The following LOC122539214 variants were observed in gnomAD, a reference collection of about 807,000 sequenced individuals.
the LOC122539214 span, among the ~76,000 whole-genome samples, chr19:52,686,319 T>C: frequency 0.63 from 95,412 of 151,518 alleles, 30,272 homozygotes; most frequent in African/African-American, 0.71. Flanking sequence ...GGAACTTAAC[T>C]GGAACATATA....
chr19:52,677,806 G>A, the LOC122539214 span, among the ~76,000 whole-genome samples: 1 of 151,982 alleles, frequency 6.6e-6, no homozygotes, highest in Non-Finnish European at 1.5e-5. Context: ...AGTGGAGGTG[G>A]GTGGATCATG....
the LOC122539214 span, among the ~76,000 whole-genome samples, chr19:52,676,155 A>AT: frequency 6.6e-6 from 1 of 152,042 alleles, no homozygotes; most frequent in South Asian, 2.1e-4. Flanking sequence ...TGGTTTTCGT[A>AT]TTTTTTTGGT....
chr19:52,679,508 G>A, the LOC122539214 span, among the ~76,000 whole-genome samples: 1 of 152,214 alleles, frequency 6.6e-6, no homozygotes, highest in East Asian at 1.9e-4. Context: ...CTACAAGGGA[G>A]GCTCAGGCAG....
At chr19:52,665,150 G>A in the LOC122539214 span, among the ~76,000 whole-genome samples, 2 of 152,164 alleles carry the variant, frequency 1.3e-5, no homozygotes, top group Non-Finnish European at 2.9e-5. Flanking sequence ...ACTGGGGTGG[G>A]AGAGTCCACC....
the LOC122539214 span, chr19:52,653,380 C>T: frequency 2.9e-6 from 3 of 1,045,482 alleles, no homozygotes; most frequent in South Asian, 1.3e-5. Context: ...GAAAACCTTG[C>T]CACATTCATT....
chr19:52,678,775 A>T, the LOC122539214 span, among the ~76,000 whole-genome samples: 5 of 152,098 alleles, frequency 3.3e-5, no homozygotes, highest in Admixed American at 2.0e-4. Context: ...AGAGTTCAAG[A>T]CCAGCCTGGC....
chr19:52,655,765 A>C, the LOC122539214 span: 1 of 680,718 alleles, frequency 1.5e-6, no homozygotes, highest in East Asian at 2.6e-5. Context: ...AGAGAAAATA[A>C]GTATTGATTT....
At chr19:52,687,587 T>A in the LOC122539214 span, among the ~76,000 whole-genome samples, 1 of 45,372 alleles carries the variant, frequency 2.2e-5, no homozygotes, top group African/African-American at 2.4e-4. Flanking sequence ...TTTATATATA[T>A]ATATATATAA....
chr19:52,661,142 G>A, the LOC122539214 span, among the ~76,000 whole-genome samples: 4 of 151,864 alleles, frequency 2.6e-5, no homozygotes, highest in Admixed American at 1.3e-4. Flanking sequence ...TGATTACAGG[G>A]GTAAACCACC....
the LOC122539214 span, chr19:52,674,302 C>T: frequency 6.6e-6 from 1 of 152,220 alleles, no homozygotes; most frequent in East Asian, 1.9e-4. Context: ...AAAAGACCAT[C>T]CATGAAATGA....
the LOC122539214 span, among the ~76,000 whole-genome samples, chr19:52,685,267 G>A: frequency 2.4e-4 from 37 of 152,074 alleles, no homozygotes; most frequent in Admixed American, 1.8e-3. Context: ...GGCTCAGAGC[G>A]GGGACATTTT....
chr19:52,690,196 A>AAC, the LOC122539214 span, among the ~76,000 whole-genome samples: 359 of 149,444 alleles, frequency 2.4e-3, 3 homozygotes, highest in African/African-American at 8.5e-3. Context: ...AAAAAAAAAA[A>AAC]AACAACAACA....
At chr19:52,670,455 A>G in the LOC122539214 span, among the ~76,000 whole-genome samples, 1 of 152,206 alleles carries the variant, frequency 6.6e-6, no homozygotes, top group East Asian at 1.9e-4. Context: ...CTGTGAGGGC[A>G]CAACCTTCTA....
At chr19:52,665,994 T>C in the LOC122539214 span, among the ~76,000 whole-genome samples, 7 of 133,102 alleles carry the variant, frequency 5.3e-5, no homozygotes, top group African/African-American at 2.0e-4. Flanking sequence ...CCGTCTCTAC[T>C]AAAAATACAA....
chr19:52,675,013 G>A, the LOC122539214 span, among the ~76,000 whole-genome samples: 135 of 152,208 alleles, frequency 8.9e-4, no homozygotes, highest in African/African-American at 3.2e-3. Flanking sequence ...GAGCCACCAC[G>A]GCCAGCTACT....
the LOC122539214 span, among the ~76,000 whole-genome samples, chr19:52,683,835 C>T: frequency 6.6e-6 from 1 of 152,178 alleles, no homozygotes; most frequent in African/African-American, 2.4e-5. Context: ...ACCTCAGCAT[C>T]TAAACTGCAA....
the LOC122539214 span, among the ~76,000 whole-genome samples, chr19:52,660,195 T>A: frequency 6.6e-6 from 1 of 152,158 alleles, no homozygotes; most frequent in Admixed American, 6.5e-5. Context: ...TGCATAGTCT[T>A]AGTCAGAGAG....
the LOC122539214 span, among the ~76,000 whole-genome samples, chr19:52,673,263 T>C: frequency 4.6e-5 from 7 of 152,134 alleles, no homozygotes; most frequent in Non-Finnish European, 2.9e-5. Context: ...CCCAGCACTT[T>C]GGGAGCCAAG....
At chr19:52,673,607 G>A in the LOC122539214 span, among the ~76,000 whole-genome samples, 1 of 152,066 alleles carries the variant, frequency 6.6e-6, no homozygotes, top group South Asian at 2.1e-4. Context: ...GTTTTCCCAA[G>A]TAATCAAAAA....
Sources: allele counts gnomAD v4.1 joint callset (sites outside exome capture counted in the v4.1 genomes callset), GRCh38; gene constraint gnomAD v4.1.1; transcripts MANE v1.5.